The following SPARCL1 variants were observed in gnomAD, a reference collection of about 807,000 sequenced individuals.
SPARCL1 encodes SPARC like 1, also known as SPARC-like protein 1.
Under a neutral mutation model 67.1 loss-of-function variants are expected in SPARCL1, and 52 were observed. The observed-to-expected ratio is 0.78, with a 90% CI of 0.62 to 0.98. The LOEUF is 0.98. Ranked by LOEUF, SPARCL1 falls within the 50% of genes least tolerant of loss-of-function variation. The pLI, the probability that SPARCL1 is intolerant of heterozygous loss-of-function variation, is 0.00. For missense variants in SPARCL1, 717 were observed against 782.4 expected (o/e 0.92, Z 1.00); for synonymous variants, 226 against 267.8 (o/e 0.84, Z 1.52).
chr4:87,473,624 T>C lies in SPARCL1; in HGVS notation c.*151A>G. On this transcript the variant is annotated 3_prime_UTR_variant, in exon 11 of 11. Coordinates refer to ENST00000282470, the MANE Select transcript of SPARCL1 (RefSeq NM_004684.6). ...AAGTTAATGTTAAATACCTGGTGCA[T>C]AGGTTGTTGTCAAGCAATTACTCTC... is the stretch of plus-strand genomic sequence containing the variant. 1 of 543,504 alleles carries C rather than the reference T, an allele frequency of 1.8e-6. No individual in the cohort carries two copies. The highest frequency in any genetic ancestry group is 2.9e-5 in the East Asian group (1 of 34,096). The allele number at this position is 543,504 out of a possible 1,614,324, so 33.7% of individuals were successfully genotyped here.
intron 1 of SPARCL1, among the ~76,000 whole-genome samples, chr4:87,501,781 T>C (rs1724861829): frequency 6.6e-6 from 1 of 152,134 alleles, no homozygotes; most frequent in Non-Finnish European, 1.5e-5. Flanking sequence ...GGGAGCATTT[T>C]ATGTGTTAGT....
intron 1 of SPARCL1, among the ~76,000 whole-genome samples, chr4:87,526,137 G>A (rs572197668): frequency 6.6e-6 from 1 of 152,130 alleles, no homozygotes; most frequent in African/African-American, 2.4e-5. Context: ...CTCACTCTGT[G>A]TAATGGCAAG....
At chr4:87,502,865 C>T (rs988936383) in intron 1 of SPARCL1, among the ~76,000 whole-genome samples, 9 of 152,186 alleles carry the variant, frequency 5.9e-5, no homozygotes, top group African/African-American at 1.9e-4. Context: ...GGAGCAGTAA[C>T]CTGACAGTCT....
chr4:87,480,471 G>T lies in SPARCL1; in HGVS notation c.1718C>A (p.Pro573His), dbSNP rs764206988. The change falls in exon 9 of 11, where the codon CCC becomes CAC. Residue 573 changes from proline to histidine, a missense_variant. Physicochemically the swap from Pro to His is moderately conservative, Grantham distance 77. Transcript: ENST00000282470. The stretch of plus-strand genomic sequence containing the variant: ...AAAGTCCCTTAAGAGAAGATCAATG[G>T]GATGGTCCCCAGCCAAAAGCCTCTT... ...DEKRLLAGDH[P>H]IDLLLRDFKK... The T allele has an allele frequency of 6.2e-7, 1 of 1,612,816 alleles. No homozygotes were observed. Among genetic ancestry groups the T allele is most frequent in the Non-Finnish European group, 8.5e-7 (1 of 1,179,426 alleles).
chr4:87,494,899 CAT>C, intron 3 of SPARCL1, 80 bp downstream of exon 3: 2 of 1,268,114 alleles, frequency 1.6e-6, no homozygotes, highest in Non-Finnish European at 2.2e-6. Flanking sequence ...ACATAAATAA[CAT>C]AATCTCTTTT....
chr4:87,474,260 C>A (rs923435923), intron 10 of SPARCL1, among the ~76,000 whole-genome samples: 1 of 152,148 alleles, frequency 6.6e-6, no homozygotes, highest in Non-Finnish European at 1.5e-5. Flanking sequence ...AAGACAGCAT[C>A]CTCTAGCAAA....
chr4:87,485,415 G>A (rs1724012551), intron 7 of SPARCL1, among the ~76,000 whole-genome samples: 1 of 152,056 alleles, frequency 6.6e-6, no homozygotes, highest in African/African-American at 2.4e-5. Flanking sequence ...AGGGATGAAG[G>A]TGACTTGATT....
intron 1 of SPARCL1, among the ~76,000 whole-genome samples, chr4:87,511,777 C>T (rs1725367589): frequency 1.3e-5 from 2 of 151,728 alleles, no homozygotes; most frequent in Admixed American, 6.6e-5. Flanking sequence ...GGATGCCAGC[C>T]TGCAGTGATT....
chr4:87,511,967 C>CT lies in SPARCL1; in HGVS notation c.-11-12383dup, dbSNP rs3037337. ...TTCCTTTCCTTTCCTCTTTCTTTCT[C>CT]TTTTTTTTTTTTTTTGAGACAGAGT... On this transcript the variant is annotated intron_variant, in intron 1 of 10. Coordinates refer to ENST00000282470, the MANE Select transcript of SPARCL1 (RefSeq NM_004684.6). 6.6e-3 allele frequency among the ~76,000 whole-genome samples: 796 copies of CT among 121,522 alleles called. 25 individuals carry two copies. Among genetic ancestry groups the CT allele is most frequent in the African/African-American group, 0.014 (430 of 31,428 alleles). 79.7% of individuals were successfully genotyped at this position (121,522 alleles called of 152,430 possible).
intron 2 of SPARCL1, 144 bp downstream of exon 2, chr4:87,499,377 G>T: frequency 1.3e-6 from 1 of 769,706 alleles, no homozygotes; most frequent in African/African-American, 1.8e-5. Context: ...CCAGTTATTT[G>T]TTTGTTACTT....
At chr4:87,521,095 A>T (rs1045921975) in intron 1 of SPARCL1, among the ~76,000 whole-genome samples, 1 of 152,160 alleles carries the variant, frequency 6.6e-6, no homozygotes, top group Non-Finnish European at 1.5e-5. Flanking sequence ...TTTCTATGAT[A>T]TTTCCTAGAA....
At chr4:87,474,684 T>C (rs1723491862) in intron 10 of SPARCL1, among the ~76,000 whole-genome samples, 1 of 152,076 alleles carries the variant, frequency 6.6e-6, no homozygotes, top group African/African-American at 2.4e-5. Flanking sequence ...GTTTCATATT[T>C]AGCCTCTAGA....
intron 4 of SPARCL1, among the ~76,000 whole-genome samples, chr4:87,492,702 C>T (rs764246304): frequency 6.6e-6 from 1 of 152,144 alleles, no homozygotes; most frequent in African/African-American, 2.4e-5. Flanking sequence ...AAGAAAACTC[C>T]TACGTTAGAG....
intron 10 of SPARCL1, 112 bp from the exon 11 acceptor site, chr4:87,473,915 G>A: frequency 3.0e-6 from 2 of 672,410 alleles, no homozygotes; most frequent in East Asian, 2.7e-5. Context: ...CAGTATAATG[G>A]TGATCCTCAA....
intron 7 of SPARCL1, among the ~76,000 whole-genome samples, chr4:87,484,949 C>T (rs1723989438): frequency 6.6e-6 from 1 of 152,026 alleles, no homozygotes; most frequent in Non-Finnish European, 1.5e-5. Context: ...TGCTTATCAG[C>T]TTAAGGAGAT....
At chr4:87,506,123 C>T (rs1037734668) in intron 1 of SPARCL1, among the ~76,000 whole-genome samples, 20 of 152,150 alleles carry the variant, frequency 1.3e-4, no homozygotes, top group African/African-American at 4.1e-4. Context: ...GCCAAATGTT[C>T]CATGGGGGGC....
intron 1 of SPARCL1, among the ~76,000 whole-genome samples, chr4:87,517,410 T>C (rs1242438072): frequency 6.6e-6 from 1 of 152,226 alleles, no homozygotes; most frequent in East Asian, 1.9e-4. Context: ...GTTTGTGACG[T>C]TGCAGTAACT....
Position 87,499,585 on chromosome 4 carries a change from T to C in SPARCL1, c.-11A>G. 6.3e-7 allele frequency: 1 copy of C among 1,584,452 alleles called. No homozygotes were observed. Among genetic ancestry groups the C allele is most frequent in the Non-Finnish European group, 8.5e-7 (1 of 1,171,922 alleles). ...AAGCCCAGTCTTCATGCTTTCCAGA[T>C]CTGTGAACCAAGAAGATAATTATCA... On this transcript the variant is annotated splice_region_variant and 5_prime_UTR_variant, in exon 2 of 11. Transcript: ENST00000282470.
chr4:87,494,615 G>T lies in SPARCL1; in HGVS notation c.202-17C>A, dbSNP rs1430879077. On this transcript the variant is annotated splice_polypyrimidine_tract_variant and intron_variant, in intron 3 of 10. Transcript: ENST00000282470. The stretch of plus-strand genomic sequence containing the variant: ...TTTTTCAGCCTTAAAAGAAAAAAAA[G>T]TTCATTCTTCAAACAAATGATAATG... 6.5e-7 allele frequency: 1 copy of T among 1,545,492 alleles called. No individual in the cohort carries two copies. Among genetic ancestry groups the T allele is most frequent in the East Asian group, 2.3e-5 (1 of 44,258 alleles).
Sources: allele counts gnomAD v4.1 joint callset (sites outside exome capture counted in the v4.1 genomes callset), GRCh38; gene constraint gnomAD v4.1.1; transcripts MANE v1.5; gene names NCBI Gene and HGNC (gene_info 2026-07-23, HGNC 2026-07-21).